MEGF10: variants seen among roughly 807,000 people sequenced by gnomAD.
MEGF10 encodes multiple EGF like domains 10, also known as multiple epidermal growth factor-like domains protein 10.
A neutral mutation model predicts 147.5 loss-of-function variants in MEGF10; 86 were observed. That is an observed-to-expected ratio of 0.58 (90% confidence interval 0.49 to 0.70). The LOEUF (loss-of-function observed/expected upper bound fraction) is 0.70. Among genes scored for constraint, MEGF10 ranks in the 30% least tolerant of loss-of-function variants. The pLI, the probability that MEGF10 is intolerant of heterozygous loss-of-function variation, is 0.00. For missense variants in MEGF10, 1,329 were observed against 1,487.3 expected, an observed-to-expected ratio of 0.89 and a Z score of 1.75; for synonymous variants, 478 against 525.5, an observed-to-expected ratio of 0.91 and a Z score of 1.24.
chr5:127,247,392 GAA>G, the MEGF10 span, among the ~76,000 whole-genome samples: 1 of 36,190 alleles, frequency 2.8e-5, no homozygotes, highest in Non-Finnish European at 5.6e-5. Context: ...AGAAGAAGAA[GAA>G]GAAGAAGAAG....
chr5:127,327,617 C>A lies in MEGF10; in HGVS notation c.-18-3674C>A, dbSNP rs141907381. Among the ~76,000 whole-genome samples, 108 of 152,056 alleles carry A rather than the reference C, an allele frequency of 7.1e-4. 1 individual carries two copies. The East Asian group carries it at 0.02, about 28-fold the overall frequency. ...AGGCATAGTGGAAAAAGGGTACTCA[C>A]TATGTTTACTCACCAAAACCTATAG... is the stretch of plus-strand genomic sequence containing the variant. On this transcript the variant is annotated intron_variant, in intron 1 of 24. Coordinates refer to ENST00000503335, the MANE Select transcript of MEGF10 (RefSeq NM_001256545.2).
chr5:127,245,078 C>T, the MEGF10 span, among the ~76,000 whole-genome samples: 542 of 152,252 alleles, frequency 3.6e-3, 3 homozygotes, highest in African/African-American at 0.013. Flanking sequence ...CTACCATTGA[C>T]TTTCTTCACA....
intron 1 of MEGF10, among the ~76,000 whole-genome samples, chr5:127,319,589 ATGGCCAT>A (rs1760714086): frequency 6.6e-6 from 1 of 152,152 alleles, no homozygotes; most frequent in Non-Finnish European, 1.5e-5. Context: ...GCTCTTTCAC[ATGGCCAT>A]TGGCAAAACT....
At position 127,306,290 on chromosome 5, in the gene MEGF10, G is replaced by A. The variant is rs114403661; in HGVS notation, c.-19+15234G>A. Among the ~76,000 whole-genome samples the A allele has an allele frequency of 9.5e-3, 1,444 of 152,254 alleles. 10 individuals carry two copies. Among genetic ancestry groups the A allele is most frequent in the Non-Finnish European group, 0.014 (919 of 68,022 alleles). On this transcript the variant is annotated intron_variant, in intron 1 of 24. Transcript: ENST00000503335. ...CTCTGTTTCCTTTAATGGTGAATAT[G>A]TCACTGCTGAGAAGGATGGCAACCA...
At chr5:127,417,489 A>C in intron 9 of MEGF10, 149 bp from the exon 10 acceptor site, 2 of 759,142 alleles carry the variant, frequency 2.6e-6, no homozygotes, top group South Asian at 3.5e-5. Context: ...CCAATTAATT[A>C]AATCATACCA....
chr5:127,371,874 AC>A lies in MEGF10; in HGVS notation c.412+1873del, dbSNP rs138173437. Among the ~76,000 whole-genome samples the A allele has an allele frequency of 7.5e-3, 1,141 of 152,358 alleles. 8 individuals are homozygous for A. Among genetic ancestry groups the A allele is most frequent in the Middle Eastern group, 0.017 (5 of 294 alleles). On this transcript the variant is annotated intron_variant, in intron 5 of 24. Transcript: ENST00000503335. ...TTTTGGCTTTATGATGAACAAAAGC[AC>A]AAATAAACATGAACAGATGTCTGAA...
chr5:127,267,406 G>T, the MEGF10 span, among the ~76,000 whole-genome samples: 1 of 152,152 alleles, frequency 6.6e-6, no homozygotes, highest in Non-Finnish European at 1.5e-5. Flanking sequence ...GTCTCTGTCA[G>T]GCTTTGGTAT....
chr5:127,361,363 C>T (rs977109911), intron 4 of MEGF10, among the ~76,000 whole-genome samples: 9 of 151,882 alleles, frequency 5.9e-5, no homozygotes, highest in Non-Finnish European at 4.4e-5. Context: ...GATTTTATGG[C>T]GATATCACTT....
intron 1 of MEGF10, among the ~76,000 whole-genome samples, chr5:127,313,214 G>A (rs1041772084): frequency 3.9e-5 from 6 of 152,164 alleles, no homozygotes; most frequent in African/African-American, 1.4e-4. Flanking sequence ...GGATCGTGTA[G>A]ATTTGGAAGC....
At chr5:127,389,862 A>C (rs1476741643) in intron 5 of MEGF10, among the ~76,000 whole-genome samples, 1 of 152,194 alleles carries the variant, frequency 6.6e-6, no homozygotes, top group Non-Finnish European at 1.5e-5. Flanking sequence ...TCTGTATGAC[A>C]AACCCCCATG....
intron 23 of MEGF10, among the ~76,000 whole-genome samples, chr5:127,455,127 C>G (rs954295682): frequency 8.9e-5 from 13 of 146,442 alleles, no homozygotes; most frequent in African/African-American, 3.2e-4. Flanking sequence ...ATTAATAAAA[C>G]AAAACGTAAT....
chr5:127,422,867 C>G (rs1212527832), intron 13 of MEGF10, 95 bp downstream of exon 13: 9 of 893,384 alleles, frequency 1.0e-5, no homozygotes, highest in Non-Finnish European at 1.4e-5. Flanking sequence ...CACCAGTCAA[C>G]TTTTCAAAAA....
intron 13 of MEGF10, among the ~76,000 whole-genome samples, chr5:127,423,306 A>G (rs1482098499): frequency 6.6e-6 from 1 of 152,202 alleles, no homozygotes; most frequent in Non-Finnish European, 1.5e-5. Context: ...AAATTCTGTA[A>G]CCACAGGGTG....
At chr5:127,352,562 G>A (rs991923824) in intron 4 of MEGF10, among the ~76,000 whole-genome samples, 4 of 152,094 alleles carry the variant, frequency 2.6e-5, no homozygotes, top group African/African-American at 9.7e-5. Flanking sequence ...TTGGGAGGCC[G>A]ACACAGGAGA....
chr5:127,396,414 C>A (rs1203422752), intron 5 of MEGF10, 118 bp from the exon 6 acceptor site: 1 of 1,237,384 alleles, frequency 8.1e-7, no homozygotes, highest in Non-Finnish European at 1.1e-6. Flanking sequence ...GGGGCCAGGG[C>A]CCTGATGTCC....
chr5:127,371,190 A>AGTGTGTGTGT, intron 5 of MEGF10, among the ~76,000 whole-genome samples: 1 of 93,764 alleles, frequency 1.1e-5, no homozygotes, highest in East Asian at 3.1e-4. Context: ...AGGGACTGGG[A>AGTGTGTGTGT]CTGTGTGTGT....
At chr5:127,405,802 TTAA>T (rs1194709722) in intron 8 of MEGF10, among the ~76,000 whole-genome samples, 1 of 152,148 alleles carries the variant, frequency 6.6e-6, no homozygotes, top group East Asian at 1.9e-4. Context: ...AAAAATTTTG[TTAA>T]TAGTAGCTGC....
the MEGF10 span, among the ~76,000 whole-genome samples, chr5:127,253,615 T>G: frequency 6.6e-6 from 1 of 152,022 alleles, no homozygotes; most frequent in Non-Finnish European, 1.5e-5. Context: ...TTTGGTCAGG[T>G]GTCAAGTTAC....
intron 1 of MEGF10, among the ~76,000 whole-genome samples, chr5:127,308,242 T>A (rs994855440): frequency 6.6e-6 from 1 of 152,164 alleles, no homozygotes; most frequent in Non-Finnish European, 1.5e-5. Context: ...TTTGTTATGA[T>A]GCAGAAAATC....
Sources: allele counts gnomAD v4.1 joint callset (sites outside exome capture counted in the v4.1 genomes callset), GRCh38; gene constraint gnomAD v4.1.1; transcripts MANE v1.5; gene names NCBI Gene and HGNC (gene_info 2026-07-23, HGNC 2026-07-21).